MAF: variants seen among roughly 807,000 people sequenced by gnomAD.
The protein encoded by MAF is transcription factor Maf.
A neutral mutation model predicts 22.0 loss-of-function variants in MAF; 10 were observed. That is an observed-to-expected ratio of 0.45 (90% CI 0.28 to 0.77). The LOEUF (loss-of-function observed/expected upper bound fraction) is 0.77, where lower values mean the gene tolerates loss of function less well. MAF is among the 30% of genes least tolerant of loss of function. The probability of loss-of-function intolerance (pLI) is 0.12; values close to 1 mark genes in which losing one functional copy is unlikely to be tolerated. For missense variants in MAF, 544 were observed against 548.4 expected, an observed-to-expected ratio of 0.99 and a Z score of 0.08; for synonymous variants, 337 against 255.8, an observed-to-expected ratio of 1.32 and a Z score of -3.03.
At chr16:79,439,848 C>G in the MAF span, among the ~76,000 whole-genome samples, 1 of 152,188 alleles carries the variant, frequency 6.6e-6, no homozygotes, top group Non-Finnish European at 1.5e-5. Flanking sequence ...CAGGGGCAAC[C>G]AAAGAGACCA....
the MAF span, among the ~76,000 whole-genome samples, chr16:79,540,079 G>T: frequency 6.6e-6 from 1 of 152,126 alleles, no homozygotes; most frequent in Non-Finnish European, 1.5e-5. Context: ...GGGAAGAATT[G>T]AGACTGCAGT....
At chr16:79,342,346 C>G in the MAF span, among the ~76,000 whole-genome samples, 1 of 152,224 alleles carries the variant, frequency 6.6e-6, no homozygotes, top group African/African-American at 2.4e-5. Flanking sequence ...TGTGTCTTCA[C>G]AGTGTTGCAT....
the MAF span, among the ~76,000 whole-genome samples, chr16:79,236,064 A>C: frequency 6.6e-6 from 1 of 151,924 alleles, no homozygotes; most frequent in African/African-American, 2.4e-5. Flanking sequence ...ACACTCCCAT[A>C]GTCCATGCTA....
the MAF span, among the ~76,000 whole-genome samples, chr16:79,512,656 G>A: frequency 2.0e-5 from 3 of 152,172 alleles, no homozygotes; most frequent in African/African-American, 7.2e-5. Context: ...GAAAACAACT[G>A]TTTAATAGCT....
the MAF span, among the ~76,000 whole-genome samples, chr16:79,397,976 T>C: frequency 2.6e-5 from 4 of 152,192 alleles, no homozygotes; most frequent in East Asian, 7.7e-4. Flanking sequence ...AAAAACAACA[T>C]AAATTTATTA....
chr16:79,262,271 G>T, the MAF span, among the ~76,000 whole-genome samples: 22,237 of 152,148 alleles, frequency 0.15, 1,868 homozygotes, highest in African/African-American at 0.21. Flanking sequence ...GTCACTGGAA[G>T]TCGAACTGGG....
the MAF span, among the ~76,000 whole-genome samples, chr16:79,420,822 G>C: frequency 6.6e-6 from 1 of 152,170 alleles, no homozygotes; most frequent in Non-Finnish European, 1.5e-5. Context: ...CTGAGGTCAG[G>C]AGTTCAAGAC....
At chr16:79,218,807 G>A in the MAF span, among the ~76,000 whole-genome samples, 5 of 152,132 alleles carry the variant, frequency 3.3e-5, no homozygotes, top group Non-Finnish European at 7.3e-5. Flanking sequence ...CCAAGCTACT[G>A]CACTGTTACT....
the MAF span, among the ~76,000 whole-genome samples, chr16:79,486,142 C>T: frequency 1.3e-5 from 2 of 152,200 alleles, no homozygotes; most frequent in Admixed American, 6.5e-5. Flanking sequence ...ATAACTTTCC[C>T]TGCCAGCTCA....
chr16:79,278,227 A>G, the MAF span, among the ~76,000 whole-genome samples: 1 of 152,242 alleles, frequency 6.6e-6, no homozygotes, highest in Non-Finnish European at 1.5e-5. Context: ...TTTGCCCAAA[A>G]AGGGCAGGTT....
At chr16:79,206,932 G>C in the MAF span, among the ~76,000 whole-genome samples, 2 of 152,156 alleles carry the variant, frequency 1.3e-5, no homozygotes, top group African/African-American at 4.8e-5. Context: ...TGGCCTTTTG[G>C]AGCAGTTTGC....
At chr16:79,332,490 G>C in the MAF span, among the ~76,000 whole-genome samples, 1 of 152,144 alleles carries the variant, frequency 6.6e-6, no homozygotes, top group African/African-American at 2.4e-5. Context: ...TGTAGAGATA[G>C]AGTTTCGCCA....
chr16:79,495,711 T>A, the MAF span, among the ~76,000 whole-genome samples: 21 of 152,294 alleles, frequency 1.4e-4, no homozygotes, highest in East Asian at 4.1e-3. Flanking sequence ...ATGCTCAAAA[T>A]TCTCCAGCTT....
At chr16:79,500,824 C>T in the MAF span, among the ~76,000 whole-genome samples, 1 of 152,158 alleles carries the variant, frequency 6.6e-6, no homozygotes, top group Admixed American at 6.5e-5. Context: ...CTCTCACTTA[C>T]TGGATGAGAC....
chr16:79,486,934 T>A, the MAF span, among the ~76,000 whole-genome samples: 1 of 152,138 alleles, frequency 6.6e-6, no homozygotes, highest in Non-Finnish European at 1.5e-5. Context: ...TTGAGTAGAC[T>A]AGTCAACAAA....
chr16:79,434,210 C>T, the MAF span, among the ~76,000 whole-genome samples: 9 of 152,308 alleles, frequency 5.9e-5, no homozygotes, highest in South Asian at 1.9e-3. Context: ...CAGAAGACTG[C>T]AGTGAAGGTT....
chr16:79,432,241 A>G, the MAF span, among the ~76,000 whole-genome samples: 1 of 152,126 alleles, frequency 6.6e-6, no homozygotes, highest in African/African-American at 2.4e-5. Flanking sequence ...CCCTGTGAAG[A>G]GGTACCTTCT....
chr16:79,457,141 G>C, the MAF span, among the ~76,000 whole-genome samples: 9 of 152,238 alleles, frequency 5.9e-5, no homozygotes, highest in Admixed American at 1.3e-4. Context: ...GGTTGAAAGG[G>C]ACTGTTCTCT....
chr16:79,243,364 T>TA, the MAF span, among the ~76,000 whole-genome samples: 1 of 151,402 alleles, frequency 6.6e-6, no homozygotes, highest in Admixed American at 6.6e-5. Flanking sequence ...ATAATTGCAA[T>TA]AAAAAATGAA....
Sources: gnomAD v4.1 joint callset for allele counts (sites outside exome capture counted in the v4.1 genomes callset) on GRCh38, gnomAD v4.1.1 for gene constraint, MANE v1.5 for transcripts, NCBI Gene and HGNC (gene_info 2026-07-23, HGNC 2026-07-21) for gene names.